Variants in MAP3K7CL observed in about 807,000 individuals in gnomAD.
MAP3K7CL encodes the protein MAP3K7 C-terminal-like protein.
A neutral mutation model predicts 18.6 loss-of-function variants in MAP3K7CL; 16 were observed. The observed-to-expected ratio is 0.86, with a 90% CI of 0.58 to 1.31. MAP3K7CL has a LOEUF of 1.31. Among genes scored for constraint, MAP3K7CL ranks in the 50% most tolerant of loss-of-function variants. The probability of loss-of-function intolerance (pLI) is 0.00; values close to 1 mark genes in which losing one functional copy is unlikely to be tolerated. For missense variants in MAP3K7CL, 163 were observed against 174.4 expected (o/e 0.93, Z 0.37); for synonymous variants, 65 against 66.8 (o/e 0.97, Z 0.13).
In MAP3K7CL at chr21:29,154,391, CTT is replaced by C. The variant is rs34978405; in HGVS notation, c.132+5154_132+5155del. Among the ~76,000 whole-genome samples the C allele has an allele frequency of 4.3e-3, 641 of 147,508 alleles. 1 individual carries two copies. The highest frequency in any genetic ancestry group is 5.1e-3 in the Non-Finnish European group (338 of 66,714). On this transcript the variant is annotated intron_variant, in intron 3 of 4. Transcript: ENST00000399928. ...CCAAGGTGCTTCGAGAACAATATGA[CTT>C]TTTTTTTTTTTTAACCAAATTGAGC... is the stretch of plus-strand genomic sequence containing the variant.
intron 4 of MAP3K7CL, among the ~76,000 whole-genome samples, chr21:29,115,769 T>G (rs1373261640): frequency 2.6e-5 from 4 of 152,246 alleles, no homozygotes; most frequent in African/African-American, 9.6e-5. Context: ...GTGGGACCCC[T>G]CTGAGCATGG....
In MAP3K7CL at chr21:29,133,286, G is replaced by GCTCTCTCT; in HGVS notation, c.-39-19_-39-12dup. The GCTCTCTCT allele has an allele frequency of 6.5e-7, 1 of 1,535,312 alleles. No individual in the cohort carries two copies. The highest frequency in any genetic ancestry group is 8.8e-7 in the Non-Finnish European group (1 of 1,133,696). Reference sequence around the variant, plus strand: ...GATGATGCTGGATAAAGTGACAATGGCTCTCTCTTGCTGTCACAGCTGGAA... The same window carrying GCTCTCTCT: ...GATGATGCTGGATAAAGTGACAATGGCTCTCTCTCTCTCTCTTGCTGTCACAGCTGGAA... On this transcript the variant is annotated intron_variant, in intron 1 of 4. Transcript: ENST00000399928.
At chr21:29,097,903 C>T (rs907004551) in intron 4 of MAP3K7CL, among the ~76,000 whole-genome samples, 14 of 151,818 alleles carry the variant, frequency 9.2e-5, no homozygotes, top group African/African-American at 3.1e-4. Context: ...TGTGTGGGGA[C>T]AAACTGTACA....
chr21:29,150,014 G>C (rs1321112528), intron 3 of MAP3K7CL, among the ~76,000 whole-genome samples: 2 of 152,172 alleles, frequency 1.3e-5, no homozygotes, highest in African/African-American at 4.8e-5. Context: ...CCTGTACACA[G>C]ACATTTCTTA....
At chr21:29,161,779 A>C (rs992386486) in intron 4 of MAP3K7CL, among the ~76,000 whole-genome samples, 1 of 152,128 alleles carries the variant, frequency 6.6e-6, no homozygotes, top group African/African-American at 2.4e-5. Flanking sequence ...AATCCTTACA[A>C]TTTTTTTGAG....
rs780071715 is a variant in MAP3K7CL, at chr21:29,085,922, G to T, written c.57+5G>T. The T allele has an allele frequency of 1.9e-6, 3 of 1,614,092 alleles. No individual in the cohort carries two copies. The Middle Eastern group carries it at 4.9e-4, about 266-fold the overall frequency. ...AACGAGGCAGCAGATCTTAAGGTAT[G>T]TCCGCCTTCCCCCAACCCCTTCCTG... On this transcript the variant is annotated splice_donor_5th_base_variant and intron_variant, in intron 1 of 6. Coordinates refer to the MAP3K7CL transcript ENST00000286791.
chr21:29,149,755 G>C (rs1393612503), intron 3 of MAP3K7CL, among the ~76,000 whole-genome samples: 1 of 152,198 alleles, frequency 6.6e-6, no homozygotes. Context: ...TTGGACCCAT[G>C]ACAAATTATT....
At chr21:29,131,497 A>T (rs974407048) in intron 1 of MAP3K7CL, 2 of 152,234 alleles carry the variant, frequency 1.3e-5, no homozygotes, top group African/African-American at 4.8e-5. Context: ...AGCAGGTAAG[A>T]CTGGACAGAA....
At chr21:29,146,604 C>T (rs1358456605) in intron 2 of MAP3K7CL, among the ~76,000 whole-genome samples, 2 of 152,194 alleles carry the variant, frequency 1.3e-5, no homozygotes, top group Non-Finnish European at 2.9e-5. Context: ...GTCCTCTAAC[C>T]TGCAGCAAGG....
At chr21:29,145,969 A>T (rs1276812856) in intron 2 of MAP3K7CL, among the ~76,000 whole-genome samples, 2 of 152,174 alleles carry the variant, frequency 1.3e-5, no homozygotes, top group Non-Finnish European at 2.9e-5. Context: ...GTGACTATAA[A>T]TAAGGACGTC....
At chr21:29,119,516 C>T (rs900775022) in intron 4 of MAP3K7CL, among the ~76,000 whole-genome samples, 5 of 152,124 alleles carry the variant, frequency 3.3e-5, no homozygotes, top group African/African-American at 7.2e-5. Flanking sequence ...CTTTTATTGT[C>T]GTCCTGAAGG....
At chr21:29,140,567 C>G (rs1445621318) in intron 2 of MAP3K7CL, among the ~76,000 whole-genome samples, 1 of 152,154 alleles carries the variant, frequency 6.6e-6, no homozygotes, top group Admixed American at 6.5e-5. Flanking sequence ...ACTTCATTGC[C>G]CATTTAGAGG....
At chr21:29,111,638 G>C (rs994683449) in intron 4 of MAP3K7CL, among the ~76,000 whole-genome samples, 2 of 152,232 alleles carry the variant, frequency 1.3e-5, no homozygotes, top group Non-Finnish European at 1.5e-5. Flanking sequence ...CCAGGCTGGT[G>C]TAGGGAGACA....
upstream of MAP3K7CL, among the ~76,000 whole-genome samples, chr21:29,126,710 C>T (rs1243796048): frequency 4.6e-5 from 7 of 152,116 alleles, no homozygotes; most frequent in Admixed American, 3.9e-4. Flanking sequence ...CCGCCTGCCT[C>T]GGCCTCCCAA....
chr21:29,114,738 C>T lies in MAP3K7CL; in HGVS notation c.370+22157C>T, dbSNP rs549422767. The stretch of plus-strand genomic sequence containing the variant: ...AGAGTATAGATGGAAACCTAAATGA[C>T]GGCAAATAATAATAATAATAAACTC... On this transcript the variant is annotated intron_variant, in intron 4 of 6. Transcript: ENST00000286791. Among the ~76,000 whole-genome samples the T allele has an allele frequency of 1.6e-3, 242 of 152,240 alleles. 1 individual carries two copies. The highest frequency in any genetic ancestry group is 2.4e-3 in the Non-Finnish European group (163 of 68,000).
chr21:29,168,685 G>T (rs960361087), intron 4 of MAP3K7CL, among the ~76,000 whole-genome samples: 1 of 152,108 alleles, frequency 6.6e-6, no homozygotes, highest in African/African-American at 2.4e-5. Context: ...TTAAATTTAT[G>T]CCTAGTGTTC....
intron 2 of MAP3K7CL, among the ~76,000 whole-genome samples, chr21:29,148,973 T>C (rs1410349795): frequency 6.6e-6 from 1 of 152,214 alleles, no homozygotes; most frequent in Non-Finnish European, 1.5e-5. Flanking sequence ...AGGATTCTGA[T>C]ATTTGCTTGC....
intron 4 of MAP3K7CL, among the ~76,000 whole-genome samples, chr21:29,093,469 T>G (rs976403581): frequency 4.0e-5 from 6 of 151,842 alleles, no homozygotes; most frequent in East Asian, 3.9e-4. Context: ...ACCTAGGTTT[T>G]TTTGTTTGTT....
chr21:29,125,349 C>T (rs145117596), intron 4 of MAP3K7CL, among the ~76,000 whole-genome samples: 13 of 152,302 alleles, frequency 8.5e-5, no homozygotes, highest in Non-Finnish European at 1.9e-4. Context: ...TTAAATGTTG[C>T]ACATTGCTCT....
Sources: gnomAD v4.1 joint callset for allele counts (sites outside exome capture counted in the v4.1 genomes callset) on GRCh38, gnomAD v4.1.1 for gene constraint, MANE v1.5 for transcripts, NCBI Gene and HGNC (gene_info 2026-07-23, HGNC 2026-07-21) for gene names.